Variants in PPP3CA observed in about 807,000 individuals in gnomAD.
The protein encoded by PPP3CA is CAM-PRP catalytic subunit.
Under a neutral mutation model 66.5 loss-of-function variants are expected in PPP3CA, and 14 were observed. That is an observed-to-expected ratio of 0.21 (90% confidence interval 0.14 to 0.33). The LOEUF is 0.33. Among genes scored for constraint, PPP3CA ranks in the 10% least tolerant of loss-of-function variants. PPP3CA has a pLI of 1.00. For synonymous variants in PPP3CA, 232 were observed against 226.2 expected (o/e 1.03, Z -0.23); for missense variants, 317 against 639.5 (o/e 0.50, Z 5.44).
At chr4:101,252,175 T>A (rs1726698352) in intron 1 of PPP3CA, among the ~76,000 whole-genome samples, 1 of 152,186 alleles carries the variant, frequency 6.6e-6, no homozygotes, top group Admixed American at 6.5e-5. Context: ...CAGTAATGTG[T>A]AGCAGAATTC....
chr4:101,091,837 T>C (rs1206178436), intron 6 of PPP3CA, among the ~76,000 whole-genome samples: 1 of 138,176 alleles, frequency 7.2e-6, no homozygotes, highest in Non-Finnish European at 1.6e-5. Flanking sequence ...ATAATAATAA[T>C]AATAATAATA....
chr4:101,308,462 T>C lies in PPP3CA; in HGVS notation c.58+38277A>G, dbSNP rs544417826. ...CTTACATGTAATATTTCAGATTTTT[T>C]TTTCACAGACAAGGTCTCTGTCACC... On this transcript the variant is annotated intron_variant, in intron 1 of 13. Transcript: ENST00000394854. 7.5e-3 allele frequency among the ~76,000 whole-genome samples: 1,140 copies of C among 152,262 alleles called. 11 individuals are homozygous for C. Among genetic ancestry groups the C allele is most frequent in the African/African-American group, 0.026 (1,089 of 41,542 alleles).
rs577571696 is a variant in PPP3CA, at chr4:101,162,776, T to C, written c.259+33140A>G. Among the ~76,000 whole-genome samples, 238 of 152,264 alleles carry C rather than the reference T, an allele frequency of 1.6e-3. 2 individuals carry two copies. The highest frequency in any genetic ancestry group is 1.8e-3 in the Non-Finnish European group (121 of 68,036). On this transcript the variant is annotated intron_variant, in intron 2 of 13. Coordinates refer to ENST00000394854, the MANE Select transcript of PPP3CA (RefSeq NM_000944.5). Reference sequence around the variant, plus strand: ...GTTTAAAAGTTTTCACCAGCAAATTTGACTCATCCTTTCCCTATGAGAATT... The same window carrying C: ...GTTTAAAAGTTTTCACCAGCAAATTCGACTCATCCTTTCCCTATGAGAATT...
At chr4:101,223,864 T>C (rs964309728) in intron 1 of PPP3CA, among the ~76,000 whole-genome samples, 1 of 151,778 alleles carries the variant, frequency 6.6e-6, no homozygotes, top group African/African-American at 2.4e-5. Context: ...AACTTCAATA[T>C]AAACATCTCT....
intron 1 of PPP3CA, among the ~76,000 whole-genome samples, chr4:101,320,722 T>C (rs1418982522): frequency 2.6e-5 from 4 of 152,278 alleles, no homozygotes; most frequent in African/African-American, 9.6e-5. Flanking sequence ...AATTAAGCTG[T>C]CATTAGCTGG....
intron 1 of PPP3CA, among the ~76,000 whole-genome samples, chr4:101,345,413 T>G (rs1293616111): frequency 6.6e-6 from 1 of 152,204 alleles, no homozygotes; most frequent in Non-Finnish European, 1.5e-5. Flanking sequence ...ACGACTTGAT[T>G]GCCTTGCACT....
chr4:101,246,526 A>G (rs1726484163), intron 1 of PPP3CA, among the ~76,000 whole-genome samples: 1 of 152,224 alleles, frequency 6.6e-6, no homozygotes, highest in Non-Finnish European at 1.5e-5. Flanking sequence ...ACAAGTTACA[A>G]GCTATATATA....
intron 2 of PPP3CA, among the ~76,000 whole-genome samples, chr4:101,167,115 G>A (rs1424312132): frequency 1.3e-5 from 2 of 152,128 alleles, no homozygotes; most frequent in Middle Eastern, 3.2e-3. Flanking sequence ...AGAAGGAAGT[G>A]GTGAGACAAA....
At chr4:101,061,029 T>G in intron 10 of PPP3CA, 58 bp downstream of exon 10, 21 of 1,367,122 alleles carry the variant, frequency 1.5e-5, no homozygotes, top group Non-Finnish European at 2.2e-5. Flanking sequence ...GATTTAGCAA[T>G]GAGACTCTAA....
intron 2 of PPP3CA, among the ~76,000 whole-genome samples, chr4:101,132,535 C>T (rs566018959): frequency 5.9e-5 from 9 of 152,164 alleles, no homozygotes; most frequent in African/African-American, 1.7e-4. Flanking sequence ...ATACACCCTC[C>T]CAAGACTAAA....
At chr4:101,267,922 A>G (rs1227998980) in intron 1 of PPP3CA, among the ~76,000 whole-genome samples, 1 of 152,142 alleles carries the variant, frequency 6.6e-6, no homozygotes, top group Non-Finnish European at 1.5e-5. Flanking sequence ...GTTGAAATAA[A>G]TAATTTCCTC....
intron 1 of PPP3CA, among the ~76,000 whole-genome samples, chr4:101,220,950 T>C (rs990833316): frequency 7.2e-5 from 11 of 151,800 alleles, no homozygotes; most frequent in Non-Finnish European, 1.5e-4. Flanking sequence ...AACTATTCTG[T>C]TTCTAGCCAC....
At chr4:101,203,986 T>G (rs968134340) in intron 1 of PPP3CA, among the ~76,000 whole-genome samples, 1 of 152,154 alleles carries the variant, frequency 6.6e-6, no homozygotes, top group African/African-American at 2.4e-5. Context: ...TTATTAATTT[T>G]TTAGACAGGG....
chr4:101,180,966 C>T (rs1231998392), intron 2 of PPP3CA, among the ~76,000 whole-genome samples: 2 of 152,028 alleles, frequency 1.3e-5, no homozygotes, highest in Middle Eastern at 3.2e-3. Flanking sequence ...ATGGGAGGGT[C>T]GCTTTAGCCC....
At chr4:101,075,877 T>A (rs960042852) in intron 8 of PPP3CA, among the ~76,000 whole-genome samples, 2 of 152,204 alleles carry the variant, frequency 1.3e-5, no homozygotes, top group Non-Finnish European at 2.9e-5. Flanking sequence ...ATGTCTATCA[T>A]ACTACCAGAT....
intron 2 of PPP3CA, among the ~76,000 whole-genome samples, chr4:101,113,694 T>A (rs1228994878): frequency 1.3e-5 from 2 of 152,056 alleles, no homozygotes; most frequent in African/African-American, 4.8e-5. Flanking sequence ...GTCAACATAC[T>A]AAAGTATCCA....
At chr4:101,124,729 A>AAGAAAGAAAGAAAG (rs1722170907) in intron 2 of PPP3CA, among the ~76,000 whole-genome samples, 1 of 54,346 alleles carries the variant, frequency 1.8e-5, no homozygotes, top group Non-Finnish European at 3.8e-5. Flanking sequence ...AAGAAAGAGA[A>AAGAAAGAAAGAAAG]AGAAAGAAAG....
At chr4:101,052,112 C>G (rs2110218695) in intron 10 of PPP3CA, among the ~76,000 whole-genome samples, 1 of 152,074 alleles carries the variant, frequency 6.6e-6, no homozygotes, top group African/African-American at 2.4e-5. Flanking sequence ...CACATTTGTG[C>G]AATCATAGTA....
At chr4:101,098,563 C>T in intron 4 of PPP3CA, 51 bp from the exon 5 acceptor site, 2 of 1,516,278 alleles carry the variant, frequency 1.3e-6, no homozygotes, top group Non-Finnish European at 1.8e-6. Flanking sequence ...AGGATCATTT[C>T]ACTGAAATAG....
Sources: gnomAD v4.1 joint callset for allele counts (sites outside exome capture counted in the v4.1 genomes callset) on GRCh38, gnomAD v4.1.1 for gene constraint, MANE v1.5 for transcripts, NCBI Gene and HGNC (gene_info 2026-07-23, HGNC 2026-07-21) for gene names.